FBXL13: variants seen among roughly 807,000 people sequenced by gnomAD.
FBXL13 encodes F-box and leucine-rich repeat protein 13.
FBXL13 carries 67 observed loss-of-function variants against 83.6 expected under a neutral mutation model. The observed-to-expected ratio is 0.80, with a 90% CI of 0.66 to 0.98. The LOEUF (loss-of-function observed/expected upper bound fraction) is 0.98, where lower values mean the gene tolerates loss of function less well. Among genes scored for constraint, FBXL13 ranks in the 50% least tolerant of loss-of-function variants. FBXL13 has a pLI of 0.00. For synonymous variants in FBXL13, 272 were observed against 299.5 expected, an observed-to-expected ratio of 0.91 and a Z score of 0.95; for missense variants, 822 against 866.5, an observed-to-expected ratio of 0.95 and a Z score of 0.64.
At chr7:102,991,975 C>T (rs1193425169) in intron 6 of FBXL13, among the ~76,000 whole-genome samples, 1 of 152,172 alleles carries the variant, frequency 6.6e-6, no homozygotes, top group East Asian at 1.9e-4. Context: ...TCACCCTCCT[C>T]ACTCATTCTT....
chr7:103,051,999 G>A (rs1796865057), intron 2 of FBXL13, among the ~76,000 whole-genome samples: 1 of 152,176 alleles, frequency 6.6e-6, no homozygotes, highest in South Asian at 2.1e-4. Context: ...CAGAAGTACA[G>A]AGTCCTTCTC....
intron 16 of FBXL13, among the ~76,000 whole-genome samples, chr7:102,867,695 A>ATATATACATAT (rs1239781180): frequency 2.0e-5 from 1 of 49,064 alleles, no homozygotes; most frequent in African/African-American, 1.2e-4. Context: ...ATATATATAT[A>ATATATACATAT]TTTTTTTTTT....
At chr7:102,839,184 C>T (rs931956399) in intron 17 of FBXL13, among the ~76,000 whole-genome samples, 4 of 152,196 alleles carry the variant, frequency 2.6e-5, no homozygotes, top group Admixed American at 6.5e-5. Context: ...ATCTGGCTTA[C>T]GTGCACATCC....
chr7:102,851,612 C>T (rs1225132961), intron 17 of FBXL13, among the ~76,000 whole-genome samples: 1 of 149,564 alleles, frequency 6.7e-6, no homozygotes, highest in Non-Finnish European at 1.5e-5. Context: ...CCTACTTTAG[C>T]TTCAGGTTTT....
At chr7:102,948,519 G>T (rs530992068) in intron 8 of FBXL13, among the ~76,000 whole-genome samples, 9 of 151,890 alleles carry the variant, frequency 5.9e-5, no homozygotes, top group African/African-American at 2.2e-4. Context: ...CACCTTCCGG[G>T]TTCAAGCAAT....
At chr7:103,026,316 C>G (rs1793910492) in intron 5 of FBXL13, among the ~76,000 whole-genome samples, 1 of 151,640 alleles carries the variant, frequency 6.6e-6, no homozygotes, top group East Asian at 1.9e-4. Flanking sequence ...TTTTTATATT[C>G]AGGGATGTTT....
At chr7:103,008,528 G>T (rs1791229115) in intron 6 of FBXL13, among the ~76,000 whole-genome samples, 1 of 152,112 alleles carries the variant, frequency 6.6e-6, no homozygotes, top group Non-Finnish European at 1.5e-5. Context: ...TGCTAAAAAT[G>T]AAAAATGTAT....
At chr7:103,061,271 G>A (rs561745343) in intron 1 of FBXL13, among the ~76,000 whole-genome samples, 1 of 152,026 alleles carries the variant, frequency 6.6e-6, no homozygotes, top group Admixed American at 6.5e-5. Context: ...CAGGCTCTAT[G>A]AGGTAAGAGT....
chr7:102,979,598 A>G (rs966975982), intron 6 of FBXL13, among the ~76,000 whole-genome samples: 2 of 152,182 alleles, frequency 1.3e-5, no homozygotes, highest in Admixed American at 1.3e-4. Flanking sequence ...TAAGACAGCA[A>G]ATACCTCTGA....
At chr7:102,836,530 T>C (rs1176718749) in intron 17 of FBXL13, among the ~76,000 whole-genome samples, 1 of 152,178 alleles carries the variant, frequency 6.6e-6, no homozygotes, top group African/African-American at 2.4e-5. Context: ...CCTTGGAAAA[T>C]GCAACACTAA....
intron 6 of FBXL13, among the ~76,000 whole-genome samples, chr7:102,979,519 A>G (rs1208850377): frequency 2.6e-5 from 4 of 152,228 alleles, no homozygotes; most frequent in Non-Finnish European, 5.9e-5. Flanking sequence ...TGGGATATGG[A>G]CATCTTTGTA....
chr7:102,981,962 T>C (rs1828287122), intron 6 of FBXL13, among the ~76,000 whole-genome samples: 1 of 152,146 alleles, frequency 6.6e-6, no homozygotes, highest in Non-Finnish European at 1.5e-5. Flanking sequence ...CCCAGCACTC[T>C]GTGAGGCTGA....
downstream of FBXL13, among the ~76,000 whole-genome samples, chr7:102,812,612 A>C (rs1343175251): frequency 6.6e-6 from 1 of 152,200 alleles, no homozygotes; most frequent in East Asian, 1.9e-4. Context: ...AGCCTTAAAA[A>C]GCGTTACAGA....
chr7:102,870,339 A>G (rs776974529), intron 16 of FBXL13, among the ~76,000 whole-genome samples: 39 of 152,172 alleles, frequency 2.6e-4, no homozygotes, highest in Non-Finnish European at 4.9e-4. Flanking sequence ...TTTCTTAAAG[A>G]AAGAATGAAT....
exon 7 of FBXL13, chr7:102,968,084 T>C (rs1411425678): frequency 6.2e-7 from 1 of 1,613,640 alleles, no homozygotes. Flanking sequence ...TGACCACATA[T>C]TATCACATCT....
At chr7:103,036,674 G>A (rs781338943) in intron 2 of FBXL13, among the ~76,000 whole-genome samples, 30 of 152,192 alleles carry the variant, frequency 2.0e-4, no homozygotes, top group Non-Finnish European at 2.4e-4. Flanking sequence ...ACCACACGTA[G>A]CTAATTTTTG....
Position 103,028,612 on chromosome 7 carries a change from C to A in FBXL13, c.205G>T (p.Glu69Ter), listed in dbSNP as rs769284331. ...TGTAAGAATTTACTTTTAAGTTTTTCTTTCTGGTCTTCCATATAAGAGTGC... is the reference window on the plus strand; with the variant it reads ...TGTAAGAATTTACTTTTAAGTTTTTATTTCTGGTCTTCCATATAAGAGTGC... Residue 69 changes from glutamate (E) to a stop codon, truncating the protein, a stop_gained, in exon 4 of 20, where the codon GAA (glutamate) becomes TAA (stop). Coordinates refer to ENST00000313221, the Ensembl canonical transcript of FBXL13. LOFTEE classifies it high-confidence loss of function. 3.8e-6 allele frequency: 6 copies of A among 1,566,652 alleles called. No homozygotes were observed. The South Asian group carries it at 4.9e-5, about 13-fold the overall frequency.
intron 7 of FBXL13, among the ~76,000 whole-genome samples, chr7:102,964,511 T>C (rs1468245717): frequency 6.6e-6 from 1 of 151,350 alleles, no homozygotes; most frequent in Non-Finnish European, 1.5e-5. Flanking sequence ...CAAGTGATTC[T>C]CCTGCCTCAG....
chr7:103,034,676 C>T (rs998135037), intron 2 of FBXL13, among the ~76,000 whole-genome samples: 1 of 152,224 alleles, frequency 6.6e-6, no homozygotes, highest in African/African-American at 2.4e-5. Flanking sequence ...CTGAAAGGCT[C>T]CTAAAGTGCC....
Sources: gnomAD v4.1 joint callset for allele counts (sites outside exome capture counted in the v4.1 genomes callset) on GRCh38, gnomAD v4.1.1 for gene constraint, MANE v1.5 for transcripts, NCBI Gene and HGNC (gene_info 2026-07-23, HGNC 2026-07-21) for gene names.